Variants in DLC1 observed in about 807,000 individuals in gnomAD.
The protein encoded by DLC1 is DLC1 Rho GTPase activating protein.
Under a neutral mutation model 140.3 loss-of-function variants are expected in DLC1, and 54 were observed. That is an observed-to-expected ratio of 0.38 (90% confidence interval 0.31 to 0.48). The LOEUF is 0.48. Among genes scored for constraint, DLC1 ranks in the 20% least tolerant of loss-of-function variants. The pLI is 0.96. For synonymous variants in DLC1, 986 were observed against 728.1 expected, an observed-to-expected ratio of 1.35 and a Z score of -5.70; for missense variants, 2,536 against 1,907.0, an observed-to-expected ratio of 1.33 and a Z score of -6.14.
intron 5 of DLC1, among the ~76,000 whole-genome samples, chr8:13,122,053 C>T (rs1245684741): frequency 1.3e-5 from 2 of 152,156 alleles, no homozygotes; most frequent in Non-Finnish European, 2.9e-5. Flanking sequence ...TAACAGCCTC[C>T]TCACGGAACT....
At chr8:13,393,919 C>T (rs150879372) in intron 3 of DLC1, among the ~76,000 whole-genome samples, 81 of 152,202 alleles carry the variant, frequency 5.3e-4, no homozygotes, top group Non-Finnish European at 1.0e-3. Context: ...AGGTAACATA[C>T]TATTTGGTAA....
chr8:13,472,945 C>T (rs958927842), intron 2 of DLC1, among the ~76,000 whole-genome samples: 4 of 151,968 alleles, frequency 2.6e-5, no homozygotes, highest in Non-Finnish European at 4.4e-5. Context: ...TTACTGAGTA[C>T]CTGAATACTA....
chr8:13,525,721 C>G (rs1802901603), intron 1 of DLC1, among the ~76,000 whole-genome samples: 1 of 152,132 alleles, frequency 6.6e-6, no homozygotes, highest in Non-Finnish European at 1.5e-5. Context: ...CATATAAGCT[C>G]TTTATCATGT....
upstream of DLC1, among the ~76,000 whole-genome samples, chr8:13,516,194 T>G (rs1802580493): frequency 6.6e-6 from 1 of 152,204 alleles, no homozygotes; most frequent in Non-Finnish European, 1.5e-5. Flanking sequence ...TCAGATTAAT[T>G]ATTAGGTCTA....
intron 4 of DLC1, among the ~76,000 whole-genome samples, chr8:13,337,301 A>T (rs1054446301): frequency 1.3e-5 from 2 of 152,204 alleles, no homozygotes; most frequent in African/African-American, 4.8e-5. Context: ...TGATTCAATT[A>T]CAATTACTTT....
intron 4 of DLC1, among the ~76,000 whole-genome samples, chr8:13,339,021 C>T (rs1055941690): frequency 9.9e-5 from 15 of 152,064 alleles, no homozygotes; most frequent in South Asian, 2.1e-4. Flanking sequence ...TGTAACAATG[C>T]GTATATCTGG....
chr8:13,345,634 A>C (rs1446705759), intron 4 of DLC1, among the ~76,000 whole-genome samples: 1 of 131,882 alleles, frequency 7.6e-6, no homozygotes, highest in Non-Finnish European at 1.5e-5. Flanking sequence ...GTTCACTGCA[A>C]CCTCTGTCTG....
At chr8:13,492,084 G>T (rs750701944) in intron 2 of DLC1, among the ~76,000 whole-genome samples, 1 of 152,102 alleles carries the variant, frequency 6.6e-6, no homozygotes, top group Non-Finnish European at 1.5e-5. Context: ...TCTTCTGTGG[G>T]TATAGAGAGA....
chr8:13,092,586 G>C, intron 13 of DLC1, 26 bp downstream of exon 13: 7 of 1,609,260 alleles, frequency 4.3e-6, no homozygotes, highest in Non-Finnish European at 5.9e-6. Flanking sequence ...CCCCCTGTGT[G>C]CATGCACCTC....
At chr8:13,207,506 A>T (rs1827725595) in intron 5 of DLC1, among the ~76,000 whole-genome samples, 1 of 152,124 alleles carries the variant, frequency 6.6e-6, no homozygotes, top group South Asian at 2.1e-4. Flanking sequence ...ATTCTGTCAT[A>T]TTTTTTATCC....
intron 5 of DLC1, among the ~76,000 whole-genome samples, chr8:13,223,659 T>C (rs1196856473): frequency 6.6e-6 from 1 of 152,212 alleles, no homozygotes; most frequent in Non-Finnish European, 1.5e-5. Flanking sequence ...AAGAATTACT[T>C]GGTTGGCTAA....
chr8:13,132,850 A>T, intron 5 of DLC1: 1 of 1,456,056 alleles, frequency 6.9e-7, no homozygotes, highest in South Asian at 1.2e-5. Flanking sequence ...ACAGGCACCG[A>T]CTTGACAAGG....
chr8:13,150,383 T>C (rs1244784994), intron 5 of DLC1, among the ~76,000 whole-genome samples: 2 of 152,220 alleles, frequency 1.3e-5, no homozygotes, highest in East Asian at 3.8e-4. Flanking sequence ...TAACTAATAA[T>C]AAGGGTTTCA....
At chr8:13,211,326 C>G (rs1313305783) in intron 5 of DLC1, among the ~76,000 whole-genome samples, 1 of 152,228 alleles carries the variant, frequency 6.6e-6, no homozygotes, top group South Asian at 2.1e-4. Flanking sequence ...TAGCCCTGCT[C>G]TGTCTATGGA....
chr8:13,279,298 C>G (rs181231523), intron 5 of DLC1, among the ~76,000 whole-genome samples: 1 of 152,140 alleles, frequency 6.6e-6, no homozygotes, highest in African/African-American at 2.4e-5. Context: ...TAAAACAACC[C>G]TCCTCCTCTT....
intron 5 of DLC1, among the ~76,000 whole-genome samples, chr8:13,273,165 G>A (rs1398101387): frequency 6.6e-6 from 1 of 152,176 alleles, no homozygotes; most frequent in East Asian, 1.9e-4. Flanking sequence ...CTCTATGGAA[G>A]GATTAAGAGG....
chr8:13,581,270 A>G (rs191303400), intron 1 of DLC1, among the ~76,000 whole-genome samples: 25 of 152,326 alleles, frequency 1.6e-4, no homozygotes, highest in African/African-American at 6.0e-4. Context: ...CACTTTGAAT[A>G]AACATACATA....
intron 2 of DLC1, among the ~76,000 whole-genome samples, chr8:13,476,918 A>G (rs923691944): frequency 4.6e-5 from 7 of 152,220 alleles, no homozygotes; most frequent in Admixed American, 3.9e-4. Flanking sequence ...ATAAGAAGAC[A>G]GCACAGTAAG....
chr8:13,464,264 G>T (rs182879488), intron 2 of DLC1, among the ~76,000 whole-genome samples: 2 of 152,152 alleles, frequency 1.3e-5, no homozygotes, highest in Non-Finnish European at 2.9e-5. Flanking sequence ...TTACACAAAA[G>T]CAACAGTAGC....
Sources: allele counts gnomAD v4.1 joint callset (sites outside exome capture counted in the v4.1 genomes callset), GRCh38; gene constraint gnomAD v4.1.1; transcripts MANE v1.5; gene names NCBI Gene and HGNC (gene_info 2026-07-23, HGNC 2026-07-21).